Variants in VPS13A observed in about 807,000 individuals in gnomAD.
VPS13A encodes vacuolar protein sorting 13 homolog A.
In VPS13A, 264 loss-of-function variants were observed where a neutral mutation model predicts 390.9. That is an observed-to-expected ratio of 0.68 (90% CI 0.61 to 0.75). VPS13A has a LOEUF of 0.75. Ranked by LOEUF, VPS13A falls within the 30% of genes least tolerant of loss-of-function variation. The pLI is 0.00. For missense variants in VPS13A, 3,409 were observed against 3,733.9 expected, an observed-to-expected ratio of 0.91 and a Z score of 2.27; for synonymous variants, 1,231 against 1,227.1, an observed-to-expected ratio of 1.00 and a Z score of -0.07.
chr9:77,366,087 A>C (rs879830707), intron 60 of VPS13A, among the ~76,000 whole-genome samples: 1 of 152,124 alleles, frequency 6.6e-6, no homozygotes, highest in Admixed American at 6.5e-5. Context: ...TTTTGGAGAT[A>C]CAAATACCTT....
chr9:77,399,167 TAAAAAAAAAAAAATAAAAAAAA>T (rs1429069446), intron 68 of VPS13A, among the ~76,000 whole-genome samples: 4 of 86,060 alleles, frequency 4.6e-5, no homozygotes, highest in African/African-American at 1.2e-4. Context: ...TAGAGTATAA[TAAAAAAAAAAAAATAAAAAAAA>T]AAAAAAAAAA....
At chr9:77,325,323 A>G (rs1391713331) in intron 45 of VPS13A, among the ~76,000 whole-genome samples, 3 of 151,758 alleles carry the variant, frequency 2.0e-5, no homozygotes, top group East Asian at 3.9e-4. Context: ...GGTACAGCCC[A>G]TGGCTCAAGG....
intron 50 of VPS13A, among the ~76,000 whole-genome samples, chr9:77,343,094 T>C (rs1227830943): frequency 6.6e-6 from 1 of 152,054 alleles, no homozygotes; most frequent in Non-Finnish European, 1.5e-5. Flanking sequence ...AGGCGCTCCC[T>C]TTCCCCCGAT....
intron 1 of VPS13A, among the ~76,000 whole-genome samples, chr9:77,192,661 T>G (rs1564619761): frequency 6.6e-6 from 1 of 152,202 alleles, no homozygotes; most frequent in Non-Finnish European, 1.5e-5. Flanking sequence ...GATGCTGAAT[T>G]AGGCCCCCAA....
chr9:77,301,387 C>A (rs908244179), intron 33 of VPS13A, among the ~76,000 whole-genome samples: 5 of 152,158 alleles, frequency 3.3e-5, no homozygotes, highest in African/African-American at 4.8e-5. Flanking sequence ...CCCTATGGGG[C>A]TTTTAGATTC....
intron 21 of VPS13A, among the ~76,000 whole-genome samples, chr9:77,250,996 GCAGT>G (rs1825121312): frequency 6.6e-6 from 1 of 152,204 alleles, no homozygotes; most frequent in Admixed American, 6.5e-5. Context: ...GTGTTTGTAT[GCAGT>G]CAGATTTTAA....
At chr9:77,410,622 A>G (rs1023492678) in intron 71 of VPS13A, among the ~76,000 whole-genome samples, 112 of 131,576 alleles carry the variant, frequency 8.5e-4, no homozygotes, top group African/African-American at 2.6e-3. Flanking sequence ...ATGGAAAACA[A>G]AAAAAGGCAG....
chr9:77,287,745 T>C (rs1827416360), intron 31 of VPS13A, among the ~76,000 whole-genome samples: 1 of 152,148 alleles, frequency 6.6e-6, no homozygotes, highest in African/African-American at 2.4e-5. Context: ...GCTTTCCAGG[T>C]GGAGGAAAGA....
Position 77,369,430 on chromosome 9 carries a change from G to C in VPS13A, c.8667+18G>C. 2 of 1,491,906 alleles carry C rather than the reference G, an allele frequency of 1.3e-6. No individual in the cohort carries two copies. Among genetic ancestry groups the C allele is most frequent in the Non-Finnish European group, 1.9e-6 (2 of 1,069,098 alleles). 92.4% of individuals were successfully genotyped at this position (1,491,906 alleles called of 1,614,324 possible). The stretch of plus-strand genomic sequence containing the variant: ...CTTACCAGGTAAAATAGTTATTTTT[G>C]TGGTTGTGCAATATGTCACTAATAC... On this transcript the variant is annotated intron_variant, in intron 63 of 71. Coordinates refer to ENST00000360280, the MANE Select transcript of VPS13A (RefSeq NM_033305.3).
intron 17 of VPS13A, among the ~76,000 whole-genome samples, chr9:77,234,735 C>T (rs1319375863): frequency 6.6e-6 from 1 of 152,094 alleles, no homozygotes; most frequent in African/African-American, 2.4e-5. Context: ...CTTCTGTACC[C>T]TCAGTTCCTC....
At chr9:77,263,163 G>A (rs1011158512) in intron 23 of VPS13A, among the ~76,000 whole-genome samples, 4 of 149,642 alleles carry the variant, frequency 2.7e-5, no homozygotes, top group African/African-American at 9.9e-5. Context: ...CTGGAGTGCA[G>A]TGGTGCGATC....
At chr9:77,399,167 TAAAAAAAAAAAAATAAA>T (rs1834247710) in intron 68 of VPS13A, among the ~76,000 whole-genome samples, 7 of 86,060 alleles carry the variant, frequency 8.1e-5, no homozygotes, top group African/African-American at 2.5e-4. Context: ...TAGAGTATAA[TAAAAAAAAAAAAATAAA>T]AAAAAAAAAA....
rs540436448 is a variant in VPS13A at position 77,314,731 on chromosome 9, C to T, written c.4412+67C>T. ...CGTTGATATATTTTACAGAATTCAT[C>T]TCCAGAATTGCACGTTCATTTTCTG... On this transcript the variant is annotated intron_variant, in intron 37 of 71. Transcript: ENST00000360280. 1.1e-5 allele frequency: 16 copies of T among 1,506,346 alleles called. No individual in the cohort carries two copies. The South Asian group carries it at 1.8e-4, about 17-fold the overall frequency. 93.3% of individuals were successfully genotyped at this position (1,506,346 alleles called of 1,614,324 possible). A position where few individuals can be genotyped will look rare whatever the true frequency, so the allele number is the denominator to read the frequency against.
intron 34 of VPS13A, among the ~76,000 whole-genome samples, chr9:77,304,524 T>C (rs1013493487): frequency 6.6e-6 from 1 of 152,198 alleles, no homozygotes; most frequent in African/African-American, 2.4e-5. Context: ...ATTGGAAAGA[T>C]CTAGGTTAGA....
intron 17 of VPS13A, among the ~76,000 whole-genome samples, chr9:77,236,555 T>G (rs1267783813): frequency 6.6e-6 from 1 of 152,240 alleles, no homozygotes; most frequent in Non-Finnish European, 1.5e-5. Context: ...CAAAACATTG[T>G]CAATTTCTAA....
chr9:77,373,832 G>C (rs1296259425), intron 67 of VPS13A, among the ~76,000 whole-genome samples: 3 of 151,938 alleles, frequency 2.0e-5, no homozygotes, highest in Non-Finnish European at 4.4e-5. Flanking sequence ...CGAAGGACAT[G>C]AACAGACACT....
intron 31 of VPS13A, among the ~76,000 whole-genome samples, chr9:77,291,006 G>A (rs1827620182): frequency 6.6e-6 from 1 of 152,108 alleles, no homozygotes; most frequent in African/African-American, 2.4e-5. Flanking sequence ...TTGATCGAAT[G>A]TCAGACATCA....
rs1350572843 is a variant in VPS13A at position 77,200,659 on chromosome 9, C to G, written c.144+671C>G. On this transcript the variant is annotated intron_variant, in intron 2 of 71. Coordinates refer to ENST00000360280, the MANE Select transcript of VPS13A (RefSeq NM_033305.3). ...GTAGGCCTCAGCTCCTAGGCTCAAG[C>G]TGTCTTCCCCTTTCAGCCTCCTGAG... is the stretch of plus-strand genomic sequence containing the variant. 2.0e-5 allele frequency among the ~76,000 whole-genome samples: 3 copies of G among 152,234 alleles called. No homozygotes were observed. In the East Asian group the frequency reaches 5.8e-4, roughly 29 times the overall value.
chr9:77,225,526 A>G (rs573547195), intron 13 of VPS13A, among the ~76,000 whole-genome samples: 7 of 152,156 alleles, frequency 4.6e-5, no homozygotes, highest in Non-Finnish European at 1.0e-4. Flanking sequence ...GGTTACAGGC[A>G]TGAGCCACTG....
Sources: gnomAD v4.1 joint callset for allele counts (sites outside exome capture counted in the v4.1 genomes callset) on GRCh38, gnomAD v4.1.1 for gene constraint, MANE v1.5 for transcripts, NCBI Gene and HGNC (gene_info 2026-07-23, HGNC 2026-07-21) for gene names.